XPR1: variants seen among roughly 807,000 people sequenced by gnomAD.
The protein encoded by XPR1 is xenotropic and polytropic retrovirus receptor 1.
Under a neutral mutation model 87.5 loss-of-function variants are expected in XPR1, and 28 were observed. The ratio of observed to expected loss-of-function variants is 0.32; its 90% CI spans 0.24 to 0.44. The LOEUF (loss-of-function observed/expected upper bound fraction) is 0.44. XPR1 is among the 20% of genes least tolerant of loss of function. The probability of loss-of-function intolerance (pLI) is 1.00; values close to 1 mark genes in which losing one functional copy is unlikely to be tolerated. For missense variants in XPR1, 559 were observed against 862.3 expected, an observed-to-expected ratio of 0.65 and a Z score of 4.41; for synonymous variants, 300 against 306.1, an observed-to-expected ratio of 0.98 and a Z score of 0.21.
intron 1 of XPR1, among the ~76,000 whole-genome samples, chr1:180,632,591 G>T (rs1330128130): frequency 6.6e-6 from 1 of 152,228 alleles, no homozygotes; most frequent in African/African-American, 2.4e-5. Context: ...ACGGTGCGAG[G>T]GCAGCCCCGG....
At chr1:180,762,375 G>A (rs545327912) in intron 2 of XPR1, among the ~76,000 whole-genome samples, 1 of 152,224 alleles carries the variant, frequency 6.6e-6, no homozygotes, top group South Asian at 2.1e-4. Flanking sequence ...GAAGTTCTGT[G>A]GTGAACGTTA....
chr1:180,856,056 C>T (rs1317516678), intron 11 of XPR1, among the ~76,000 whole-genome samples: 2 of 152,134 alleles, frequency 1.3e-5, no homozygotes, highest in African/African-American at 4.8e-5. Flanking sequence ...AAAAGATTTC[C>T]CTTACCTCAT....
intron 7 of XPR1, among the ~76,000 whole-genome samples, chr1:180,822,352 A>G (rs745386130): frequency 2.0e-5 from 3 of 152,064 alleles, no homozygotes; most frequent in South Asian, 4.2e-4. Flanking sequence ...AAACATCCCA[A>G]TGCTTTGTTC....
chr1:180,785,495 A>T (rs1242181964), intron 2 of XPR1, among the ~76,000 whole-genome samples: 1 of 152,076 alleles, frequency 6.6e-6, no homozygotes, highest in African/African-American at 2.4e-5. Context: ...ATAAATTCTT[A>T]GGAGACTGAT....
intron 1 of XPR1, among the ~76,000 whole-genome samples, chr1:180,633,302 A>G (rs1373976014): frequency 1.3e-5 from 2 of 152,230 alleles, no homozygotes; most frequent in Non-Finnish European, 2.9e-5. Flanking sequence ...CAGCTCCTGG[A>G]TAGAGAAAGA....
intron 2 of XPR1, among the ~76,000 whole-genome samples, chr1:180,757,654 C>A (rs1293531079): frequency 1.3e-5 from 2 of 151,626 alleles, no homozygotes; most frequent in Non-Finnish European, 2.9e-5. Context: ...GTAGGTAGGA[C>A]TACAGGTGCA....
intron 11 of XPR1, among the ~76,000 whole-genome samples, chr1:180,838,118 A>G (rs1202604869): frequency 6.6e-6 from 1 of 152,200 alleles, no homozygotes; most frequent in Non-Finnish European, 1.5e-5. Context: ...CTGATAAAGT[A>G]AATGGTCTAT....
chr1:180,882,967 G>GTTTTT (rs1156645233), intron 14 of XPR1, among the ~76,000 whole-genome samples: 2 of 150,534 alleles, frequency 1.3e-5, no homozygotes, highest in African/African-American at 5.0e-5. Flanking sequence ...TTGGGGGTTG[G>GTTTTT]TTGTTTTTTT....
intron 1 of XPR1, among the ~76,000 whole-genome samples, chr1:180,656,546 T>TATATA (rs1655523846): frequency 2.1e-5 from 2 of 93,522 alleles, no homozygotes; most frequent in Admixed American, 1.9e-4. Context: ...ATAATATTTA[T>TATATA]ATATTTATAT....
Position 180,777,782 on chromosome 1 carries a change from A to T in XPR1, c.122-9971A>T, listed in dbSNP as rs139971243. ...TACAAGCATGAAACAGTAGTGCTAA[A>T]TATTCTTTCTATATTTGATGGAGCA... is the stretch of plus-strand genomic sequence containing the variant. On this transcript the variant is annotated intron_variant, in intron 2 of 14. Transcript: ENST00000367590. Among the ~76,000 whole-genome samples, 6 of 152,308 alleles carry T rather than the reference A, an allele frequency of 3.9e-5. No homozygotes were observed. The East Asian group carries it at 1.2e-3, about 29-fold the overall frequency.
intron 14 of XPR1, 88 bp from the exon 15 acceptor site, chr1:180,883,918 G>C: frequency 8.5e-7 from 1 of 1,178,624 alleles, no homozygotes; most frequent in Non-Finnish European, 1.2e-6. Context: ...GTTTAATGAT[G>C]GTAAGACTGG....
intron 11 of XPR1, among the ~76,000 whole-genome samples, chr1:180,847,148 A>G (rs1651713950): frequency 6.6e-6 from 1 of 152,230 alleles, no homozygotes; most frequent in Non-Finnish European, 1.5e-5. Context: ...CATAGCTGGT[A>G]TAGAAAAGAC....
At chr1:180,784,429 A>T (rs1469621039) in intron 2 of XPR1, among the ~76,000 whole-genome samples, 1 of 151,940 alleles carries the variant, frequency 6.6e-6, no homozygotes, top group Non-Finnish European at 1.5e-5. Flanking sequence ...TTTAATATTG[A>T]CTTGTAATAA....
chr1:180,680,898 C>T (rs1452865681), intron 1 of XPR1, among the ~76,000 whole-genome samples: 1 of 152,126 alleles, frequency 6.6e-6, no homozygotes, highest in East Asian at 1.9e-4. Context: ...GAAATTCTAT[C>T]ATTTGTGACA....
At chr1:180,683,843 T>C (rs919644163) in intron 2 of XPR1, among the ~76,000 whole-genome samples, 3 of 151,772 alleles carry the variant, frequency 2.0e-5, no homozygotes, top group African/African-American at 7.3e-5. Flanking sequence ...TTTCAGTTCA[T>C]TGTAGATTCT....
chr1:180,752,822 A>G lies in XPR1; in HGVS notation c.122-34931A>G, dbSNP rs186570745. On this transcript the variant is annotated intron_variant, in intron 2 of 14. Transcript: ENST00000367590. ...TCTTCTGGCCTGTCACTTGTGGCCT[A>G]TACTCTTTGAAAGTGCTCAAAATAA... 3.2e-3 allele frequency among the ~76,000 whole-genome samples: 489 copies of G among 152,272 alleles called. 3 individuals carry two copies. Among genetic ancestry groups the G allele is most frequent in the African/African-American group, 0.011 (450 of 41,560 alleles).
chr1:180,654,082 A>G (rs1292190060), intron 1 of XPR1, among the ~76,000 whole-genome samples: 3 of 152,230 alleles, frequency 2.0e-5, no homozygotes, highest in Non-Finnish European at 4.4e-5. Flanking sequence ...TCAAAGAATT[A>G]TAAGTTTCTG....
intron 1 of XPR1, among the ~76,000 whole-genome samples, chr1:180,669,414 G>A (rs1053583694): frequency 2.0e-5 from 3 of 151,850 alleles, no homozygotes; most frequent in Non-Finnish European, 4.4e-5. Flanking sequence ...ATGGAGTCTC[G>A]CTGTGTCTCC....
intron 2 of XPR1, among the ~76,000 whole-genome samples, chr1:180,687,789 T>C (rs1020984497): frequency 6.6e-6 from 1 of 151,924 alleles, no homozygotes; most frequent in Non-Finnish European, 1.5e-5. Flanking sequence ...GCTAATATTC[T>C]GAAATAATAT....
Sources: allele counts gnomAD v4.1 joint callset (sites outside exome capture counted in the v4.1 genomes callset), GRCh38; gene constraint gnomAD v4.1.1; transcripts MANE v1.5; gene names NCBI Gene and HGNC (gene_info 2026-07-23, HGNC 2026-07-21).